AP3B2: variants seen among roughly 807,000 people sequenced by gnomAD.
AP3B2 encodes the protein adaptor related protein complex 3 subunit beta 2.
A neutral mutation model predicts 126.9 loss-of-function variants in AP3B2; 50 were observed. The ratio of observed to expected loss-of-function variants is 0.39; its 90% CI spans 0.31 to 0.50. The LOEUF (loss-of-function observed/expected upper bound fraction) is 0.50. AP3B2 is among the 20% of genes least tolerant of loss of function. The pLI is 0.79. For missense variants in AP3B2, 1,177 were observed against 1,426.4 expected, an observed-to-expected ratio of 0.83 and a Z score of 2.82; for synonymous variants, 541 against 565.0, an observed-to-expected ratio of 0.96 and a Z score of 0.60.
rs1732314111 is a variant in AP3B2 at position 82,665,159 on chromosome 15, T to C, written c.2028+88A>G. ...GCCAAACCAAGGTGGAAACAGAGTA[T>C]GGGAAGGCCCAGGAGCACAACACAC... is the stretch of plus-strand genomic sequence containing the variant. On this transcript the variant is annotated intron_variant, in intron 17 of 26. Coordinates refer to ENST00000535359, the MANE Select transcript of AP3B2 (RefSeq NM_001278512.2). The surrounding 1 kb of genome is among the most constrained non-coding windows in gnomAD (Gnocchi z 4.4). The C allele has an allele frequency of 1.4e-6, 2 of 1,418,992 alleles. No homozygotes were observed. The highest frequency in any genetic ancestry group is 4.0e-5 in the Admixed American group (2 of 50,440). 87.9% of individuals were successfully genotyped at this position (1,418,992 alleles called of 1,614,324 possible).
rs948427049 is a variant in AP3B2 at position 82,680,369 on chromosome 15, G to A, written c.1055+103C>T. On this transcript the variant is annotated intron_variant, in intron 8 of 26. Transcript: ENST00000535359. The surrounding 1 kb of genome is among the most constrained non-coding windows in gnomAD (Gnocchi z 6.1). ...GACTACGGTCAGTGTGGAGCGGGTGGGCAGAGGTGGAAGCGGCTGGTGGGC... is the reference window on the plus strand; with the variant it reads ...GACTACGGTCAGTGTGGAGCGGGTGAGCAGAGGTGGAAGCGGCTGGTGGGC... 17 of 1,475,486 alleles carry A rather than the reference G, an allele frequency of 1.2e-5. No individual in the cohort carries two copies. The highest frequency in any genetic ancestry group is 2.2e-4 in the Middle Eastern group (1 of 4,626). The allele number at this position is 1,475,486 out of a possible 1,614,324, so 91.4% of individuals were successfully genotyped here. A position where few individuals can be genotyped will look rare whatever the true frequency, so the allele number is the denominator to read the frequency against.
At chr15:82,663,480 G>T in intron 21 of AP3B2, 80 bp downstream of exon 21, 2 of 1,495,108 alleles carry the variant, frequency 1.3e-6, no homozygotes, top group Non-Finnish European at 9.3e-7. Flanking sequence ...TGAGGAACCC[G>T]ATCCAGAGTC....
Position 82,661,806 on chromosome 15 carries a change from A to C in AP3B2, c.3016+19T>G. On this transcript the variant is annotated intron_variant, in intron 25 of 26. Coordinates refer to ENST00000535359, the MANE Select transcript of AP3B2 (RefSeq NM_001278512.2). ...AGCTTCTATACTTCCCTCTCTGCCC[A>C]CTCCCAGGGAGCACTCACCCTGTTC... is the stretch of plus-strand genomic sequence containing the variant. 1.3e-6 allele frequency: 2 copies of C among 1,597,424 alleles called. No homozygotes were observed. Among genetic ancestry groups the C allele is most frequent in the Non-Finnish European group, 1.7e-6 (2 of 1,168,934 alleles).
chr15:82,662,228 G>A lies in AP3B2; in HGVS notation c.2858C>T (p.Ala953Val). Residue 953 changes from alanine (A) to valine (V), a missense_variant, in exon 24 of 27, where the codon GCC becomes GTC. Physicochemically the swap from Ala to Val is moderately conservative, Grantham distance 64 (BLOSUM62 0). This residue lies in a region of AP3B2 where 587 missense variants were observed against 571.3 expected (regional missense o/e 1.03). Transcript: ENST00000535359. ...EIESLAPGES[A>V]TAVMGINFCD... ...GAAATTAATGCCCATTACAGCAGTGGCAGATTCTCCAGGTGCCAGGGACTC... is the reference window on the plus strand; with the variant it reads ...GAAATTAATGCCCATTACAGCAGTGACAGATTCTCCAGGTGCCAGGGACTC... 1.2e-6 allele frequency: 2 copies of A among 1,601,090 alleles called. No individual in the cohort carries two copies. The highest frequency in any genetic ancestry group is 1.7e-6 in the Non-Finnish European group (2 of 1,173,548).
In AP3B2 at chr15:82,681,716, T is replaced by A; in HGVS notation, c.361-136A>T. Reference sequence around the variant, plus strand: ...TGCCGCTTGACTGGAGCCTGGATGGTGTGCCAGTGATGGGTATCTGGGGGA... The same window carrying A: ...TGCCGCTTGACTGGAGCCTGGATGGAGTGCCAGTGATGGGTATCTGGGGGA... On this transcript the variant is annotated intron_variant, in intron 4 of 26. Transcript: ENST00000535359. The surrounding 1 kb of genome is among the most constrained non-coding windows in gnomAD (Gnocchi z 4.0). 1.0e-6 allele frequency: 1 copy of A among 978,382 alleles called. No homozygotes were observed. 60.6% of individuals were successfully genotyped at this position (978,382 alleles called of 1,614,324 possible). A position where few individuals can be genotyped will look rare whatever the true frequency, so the allele number is the denominator to read the frequency against.
chr15:82,690,576 C>T (rs1422178432), intron 1 of AP3B2, among the ~76,000 whole-genome samples: 2 of 149,622 alleles, frequency 1.3e-5, no homozygotes, highest in Admixed American at 1.3e-4. Context: ...CTACAAAGGA[C>T]ACGAACTCAT....
intron 13 of AP3B2, 28 bp downstream of exon 13, chr15:82,677,246 G>A (rs529702243): frequency 1.3e-6 from 2 of 1,540,748 alleles, no homozygotes; most frequent in East Asian, 4.5e-5. Flanking sequence ...CCTTGAAGTG[G>A]GGAGTGAAAA....
intron 1 of AP3B2, chr15:82,692,115 T>C: frequency 6.7e-7 from 1 of 1,493,770 alleles, no homozygotes; most frequent in Non-Finnish European, 9.2e-7. Context: ...CCCGACTTCG[T>C]AAGTCCTGGA....
At chr15:82,705,155 C>G (rs1171592859) in intron 1 of AP3B2, among the ~76,000 whole-genome samples, 1 of 152,106 alleles carries the variant, frequency 6.6e-6, no homozygotes, top group Admixed American at 6.6e-5. Context: ...TAGGACACCT[C>G]TATTCCCTCC....
At chr15:82,667,121 G>C (rs1177975022) in intron 14 of AP3B2, among the ~76,000 whole-genome samples, 188 bp from the exon 15 acceptor site, 1 of 152,150 alleles carries the variant, frequency 6.6e-6, no homozygotes, top group Non-Finnish European at 1.5e-5. Flanking sequence ...TCATCTCTCT[G>C]GACATGCCTC....
chr15:82,693,836 G>A (rs563887994), intron 1 of AP3B2, among the ~76,000 whole-genome samples: 2 of 151,914 alleles, frequency 1.3e-5, no homozygotes, highest in Admixed American at 6.6e-5. Context: ...GAATAGCTGG[G>A]ATTACAGGCA....
chr15:82,688,515 G>T (rs1057188378), intron 4 of AP3B2: 2 of 702,748 alleles, frequency 2.8e-6, no homozygotes, highest in African/African-American at 3.5e-5. Flanking sequence ...AGAGAGACAG[G>T]GGCCCTGGGT....
At chr15:82,677,405 G>A in intron 12 of AP3B2, 22 bp from the exon 13 acceptor site, 5 of 1,602,820 alleles carry the variant, frequency 3.1e-6, no homozygotes, top group Non-Finnish European at 3.4e-6. Context: ...AAATGAGTGT[G>A]TGGACCCCAA....
chr15:82,662,274 A>G, intron 23 of AP3B2, 22 bp from the exon 24 acceptor site: 1 of 1,565,976 alleles, frequency 6.4e-7, no homozygotes, highest in East Asian at 2.3e-5. Flanking sequence ...TAAGGCAGTG[A>G]AGGGGAGAGG....
Position 82,709,742 on chromosome 15 carries a change from G to C in AP3B2, c.-36C>G. ...GGGAGACTTCGCCGAGGAGGAGGTT[G>C]CGGGGCCGGAGGCCGGCTGGAGCGG... On this transcript the variant is annotated 5_prime_UTR_variant, in exon 1 of 27. Coordinates refer to ENST00000535359, the MANE Select transcript of AP3B2 (RefSeq NM_001278512.2). 7.0e-7 allele frequency: 1 copy of C among 1,433,572 alleles called. No homozygotes were observed. The highest frequency in any genetic ancestry group is 9.2e-7 in the Non-Finnish European group (1 of 1,086,776). 88.8% of individuals were successfully genotyped at this position (1,433,572 alleles called of 1,614,324 possible). A position where few individuals can be genotyped will look rare whatever the true frequency, so the allele number is the denominator to read the frequency against.
At chr15:82,672,072 G>T (rs183303578) in intron 14 of AP3B2, among the ~76,000 whole-genome samples, 1 of 152,054 alleles carries the variant, frequency 6.6e-6, no homozygotes, top group East Asian at 1.9e-4. Flanking sequence ...TAAAAATAGT[G>T]CTACCATATG....
rs1407127499 is a variant in AP3B2 at position 82,681,898 on chromosome 15, G to T, written c.361-318C>A. 6.6e-6 allele frequency among the ~76,000 whole-genome samples: 1 copy of T among 152,070 alleles called. No individual in the cohort carries two copies. Among genetic ancestry groups the T allele is most frequent in the Non-Finnish European group, 1.5e-5 (1 of 68,020 alleles). ...TCCTTGTAAGGGTTTTTTTGGAGGTGCCTGTTTTAATGCCTGAGGTGACCG... is the reference window on the plus strand; with the variant it reads ...TCCTTGTAAGGGTTTTTTTGGAGGTTCCTGTTTTAATGCCTGAGGTGACCG... On this transcript the variant is annotated intron_variant, in intron 4 of 26. Transcript: ENST00000535359. The surrounding 1 kb of genome is among the most constrained non-coding windows in gnomAD (Gnocchi z 4.0).
intron 1 of AP3B2, among the ~76,000 whole-genome samples, chr15:82,706,567 T>G (rs896240924): frequency 3.9e-5 from 6 of 152,130 alleles, no homozygotes; most frequent in Non-Finnish European, 8.8e-5. Flanking sequence ...GCAGCTAGCA[T>G]TCCAACTTCT....
intron 14 of AP3B2, among the ~76,000 whole-genome samples, chr15:82,675,726 T>C (rs1056376288): frequency 8.9e-4 from 136 of 152,206 alleles, no homozygotes; most frequent in African/African-American, 3.2e-3. Context: ...AAAACTTTAT[T>C]ACAAAAACAG....
Sources: allele counts gnomAD v4.1 joint callset (sites outside exome capture counted in the v4.1 genomes callset), GRCh38; gene constraint gnomAD v4.1.1; regional missense constraint gnomAD v4.1.1; non-coding constraint Gnocchi (gnomAD v3.1); transcripts MANE v1.5; gene names NCBI Gene and HGNC (gene_info 2026-07-23, HGNC 2026-07-21).